Variants in SLC16A7 observed in about 807,000 individuals in gnomAD.
SLC16A7 encodes the protein solute carrier family 16 member 7, also known as monocarboxylate transporter 2.
A neutral mutation model predicts 34.9 loss-of-function variants in SLC16A7; 33 were observed. The ratio of observed to expected loss-of-function variants is 0.94; its 90% CI spans 0.72 to 1.26. The LOEUF is 1.26. SLC16A7 is among the 50% of genes most tolerant of loss of function. The pLI is 0.00. For synonymous variants in SLC16A7, 201 were observed against 206.6 expected, an observed-to-expected ratio of 0.97 and a Z score of 0.23; for missense variants, 573 against 578.1, an observed-to-expected ratio of 0.99 and a Z score of 0.09.
chr12:59,690,011 G>T (rs1481089264), intron 2 of SLC16A7, among the ~76,000 whole-genome samples: 2 of 151,952 alleles, frequency 1.3e-5, no homozygotes, highest in Admixed American at 1.3e-4. Flanking sequence ...TGCATAGCAG[G>T]ATTCTGAGTA....
intron 1 of SLC16A7, among the ~76,000 whole-genome samples, chr12:59,652,186 A>C (rs1055543856): frequency 2.6e-5 from 4 of 151,876 alleles, no homozygotes; most frequent in African/African-American, 9.7e-5. Context: ...TTATTTTGTG[A>C]AATAAGTTAA....
chr12:59,607,408 T>C (rs1878995918), intron 1 of SLC16A7, among the ~76,000 whole-genome samples: 1 of 152,210 alleles, frequency 6.6e-6, no homozygotes, highest in African/African-American at 2.4e-5. Flanking sequence ...TATAATGCTA[T>C]AACCATTTGT....
At chr12:59,756,603 A>G (rs1232846309) in intron 3 of SLC16A7, among the ~76,000 whole-genome samples, 2 of 151,254 alleles carry the variant, frequency 1.3e-5, no homozygotes. Context: ...AAGTCAGGAA[A>G]CAACAGGTGC....
intron 3 of SLC16A7, among the ~76,000 whole-genome samples, chr12:59,756,711 A>T (rs1351051742): frequency 1.5e-5 from 2 of 137,894 alleles, no homozygotes; most frequent in Non-Finnish European, 3.1e-5. Flanking sequence ...TTCCTCAGGG[A>T]TCTAGAACTA....
Position 59,788,799 on chromosome 12 carries a change from A to G in SLC16A7, c.*9120A>G, listed in dbSNP as rs1489079826. On this transcript the variant is annotated 3_prime_UTR_variant, in exon 6 of 6. Coordinates refer to ENST00000547379, the MANE Select transcript of SLC16A7 (RefSeq NM_001270623.2). ...AGAACTGGCATTTTCATATGGATACATATTTTGCTTAAACTAAATAAAATA... is the reference window on the plus strand; with the variant it reads ...AGAACTGGCATTTTCATATGGATACGTATTTTGCTTAAACTAAATAAAATA... 6.6e-6 allele frequency: 1 copy of G among 152,082 alleles called. No individual in the cohort carries two copies. The highest frequency in any genetic ancestry group is 1.5e-5 in the Non-Finnish European group (1 of 67,940). 9.4% of individuals were successfully genotyped at this position (152,082 alleles called of 1,614,324 possible). A position where few individuals can be genotyped will look rare whatever the true frequency, so the allele number is the denominator to read the frequency against.
intron 2 of SLC16A7, among the ~76,000 whole-genome samples, chr12:59,674,525 AG>A (rs1486355535): frequency 6.6e-6 from 1 of 152,204 alleles, no homozygotes; most frequent in Non-Finnish European, 1.5e-5. Flanking sequence ...AGGGCCAGTC[AG>A]GTGGGGAAAG....
At chr12:59,714,900 A>T (rs1874720443) in intron 3 of SLC16A7, among the ~76,000 whole-genome samples, 1 of 152,090 alleles carries the variant, frequency 6.6e-6, no homozygotes, top group Non-Finnish European at 1.5e-5. Context: ...GTCATAGTGG[A>T]TTATGGCCCA....
chr12:59,756,513 C>T (rs553047815), intron 3 of SLC16A7, among the ~76,000 whole-genome samples: 332 of 152,132 alleles, frequency 2.2e-3, no homozygotes, highest in African/African-American at 7.5e-3. Context: ...AAAATGCTCA[C>T]CATCACTGGT....
intron 3 of SLC16A7, among the ~76,000 whole-genome samples, chr12:59,755,555 A>T (rs1418066062): frequency 6.6e-6 from 1 of 152,174 alleles, no homozygotes; most frequent in East Asian, 1.9e-4. Context: ...ACAAGGGATG[A>T]GAAGGACCTC....
At chr12:59,621,586 A>T (rs548016897) in intron 1 of SLC16A7, among the ~76,000 whole-genome samples, 2 of 152,008 alleles carry the variant, frequency 1.3e-5, no homozygotes, top group African/African-American at 4.8e-5. Flanking sequence ...TCATTCTTAG[A>T]TTACAAGGAA....
At chr12:59,730,608 A>G (rs1876835963) in intron 3 of SLC16A7, among the ~76,000 whole-genome samples, 1 of 152,190 alleles carries the variant, frequency 6.6e-6, no homozygotes, top group Non-Finnish European at 1.5e-5. Context: ...TAAGGAGGAC[A>G]AGGTAGGTGA....
At chr12:59,716,017 G>T (rs907940492) in intron 3 of SLC16A7, among the ~76,000 whole-genome samples, 1 of 152,162 alleles carries the variant, frequency 6.6e-6, no homozygotes, top group Non-Finnish European at 1.5e-5. Flanking sequence ...AGCTATAAAA[G>T]CAATAATAAT....
intron 1 of SLC16A7, among the ~76,000 whole-genome samples, chr12:59,642,147 G>A (rs1035652477): frequency 1.3e-5 from 2 of 151,926 alleles, no homozygotes; most frequent in Non-Finnish European, 2.9e-5. Context: ...GATCTAACAA[G>A]TATTTCAAAA....
intron 1 of SLC16A7, among the ~76,000 whole-genome samples, chr12:59,626,258 T>C (rs753754284): frequency 6.6e-6 from 1 of 151,762 alleles, no homozygotes; most frequent in Non-Finnish European, 1.5e-5. Flanking sequence ...TTTGCTTTTG[T>C]TTTTTAAAGA....
At chr12:59,711,627 C>T (rs1874236203) in intron 3 of SLC16A7, among the ~76,000 whole-genome samples, 2 of 152,148 alleles carry the variant, frequency 1.3e-5, no homozygotes, top group African/African-American at 4.8e-5. Context: ...AAGCAATTCT[C>T]CTGCCTCAGC....
chr12:59,638,635 T>A (rs1347650462), intron 1 of SLC16A7, among the ~76,000 whole-genome samples: 1 of 152,156 alleles, frequency 6.6e-6, no homozygotes, highest in Non-Finnish European at 1.5e-5. Flanking sequence ...TCATGATAAT[T>A]TTCTAGGAAA....
chr12:59,750,089 T>C (rs1879343729), intron 3 of SLC16A7, among the ~76,000 whole-genome samples: 1 of 152,090 alleles, frequency 6.6e-6, no homozygotes, highest in South Asian at 2.1e-4. Context: ...GACTTAAATA[T>C]AAGACTTTAA....
intron 5 of SLC16A7, among the ~76,000 whole-genome samples, chr12:59,776,344 T>G (rs1882756354): frequency 6.6e-6 from 1 of 152,204 alleles, no homozygotes; most frequent in African/African-American, 2.4e-5. Flanking sequence ...AAATTATGCC[T>G]TCTGAACTTA....
In SLC16A7 at chr12:59,666,387, G is replaced by T. The variant is rs77746485; in HGVS notation, c.-31+11137G>T. Among the ~76,000 whole-genome samples the T allele has an allele frequency of 5.3e-5, 8 of 152,234 alleles. No homozygotes were observed. In the East Asian group the frequency reaches 1.5e-3, roughly 29 times the overall value. On this transcript the variant is annotated intron_variant, in intron 2 of 5. Transcript: ENST00000547379. Reference sequence around the variant, plus strand: ...AGTTCAGTTTACATAATCCCATTAGGATTTCCTTAGGTATTTAAGTTCTGT... The same window carrying T: ...AGTTCAGTTTACATAATCCCATTAGTATTTCCTTAGGTATTTAAGTTCTGT...
Sources: gnomAD v4.1 joint callset for allele counts (sites outside exome capture counted in the v4.1 genomes callset) on GRCh38, gnomAD v4.1.1 for gene constraint, MANE v1.5 for transcripts, NCBI Gene and HGNC (gene_info 2026-07-23, HGNC 2026-07-21) for gene names.